The following PAPPA variants were observed in gnomAD, a reference collection of about 807,000 sequenced individuals.
The protein encoded by PAPPA is pappalysin-1.
Under a neutral mutation model 164.0 loss-of-function variants are expected in PAPPA, and 60 were observed. That is an observed-to-expected ratio of 0.37 (90% CI 0.30 to 0.45). PAPPA has a LOEUF of 0.45. PAPPA is among the 20% of genes least tolerant of loss of function. PAPPA has a pLI of 1.00. For synonymous variants in PAPPA, 875 were observed against 814.1 expected (o/e 1.07, Z -1.27); for missense variants, 1,782 against 2,087.3 (o/e 0.85, Z 2.85).
intron 10 of PAPPA, among the ~76,000 whole-genome samples, chr9:116,329,627 A>G (rs917691252): frequency 6.6e-6 from 1 of 152,110 alleles, no homozygotes; most frequent in Admixed American, 6.6e-5. Flanking sequence ...TCGCTGGGCA[A>G]TATATAGTTT....
intron 10 of PAPPA, among the ~76,000 whole-genome samples, chr9:116,306,585 C>T (rs1193000316): frequency 6.6e-6 from 1 of 152,138 alleles, no homozygotes; most frequent in Admixed American, 6.5e-5. Context: ...CTTCCTGGCC[C>T]AGCTGGAATC....
At chr9:116,344,917 C>T (rs948970704) in intron 14 of PAPPA, among the ~76,000 whole-genome samples, 4 of 152,152 alleles carry the variant, frequency 2.6e-5, no homozygotes, top group African/African-American at 9.7e-5. Context: ...AAAAAGGGTT[C>T]CTGTGCAGAG....
chr9:116,360,442 A>C (rs12347137), intron 17 of PAPPA, among the ~76,000 whole-genome samples: 24,258 of 151,754 alleles, frequency 0.16, 2,111 homozygotes, highest in Non-Finnish European at 0.2. Context: ...TTTGCCGGCA[A>C]AGGAGAGGCC....
chr9:116,309,538 A>C (rs1354529504), intron 10 of PAPPA, among the ~76,000 whole-genome samples: 3 of 152,170 alleles, frequency 2.0e-5, no homozygotes, highest in Non-Finnish European at 4.4e-5. Flanking sequence ...CTTATGATGC[A>C]GTGTAGGAAG....
chr9:116,342,129 G>A (rs982157646), intron 13 of PAPPA, among the ~76,000 whole-genome samples: 1 of 152,224 alleles, frequency 6.6e-6, no homozygotes, highest in Non-Finnish European at 1.5e-5. Flanking sequence ...AGCGTGCAGA[G>A]TAAGAATGCC....
intron 2 of PAPPA, among the ~76,000 whole-genome samples, chr9:116,206,300 C>T (rs10817864): frequency 0.45 from 68,242 of 152,054 alleles, 17,346 homozygotes; most frequent in Non-Finnish European, 0.58. Flanking sequence ...TGTTTGGTTT[C>T]GTGAGCTTGG....
At chr9:116,394,134 G>A (rs999204775) in intron 21 of PAPPA, among the ~76,000 whole-genome samples, 4 of 152,108 alleles carry the variant, frequency 2.6e-5, no homozygotes, top group African/African-American at 4.8e-5. Flanking sequence ...GGTAGGAGAC[G>A]GGGATGGATA....
At chr9:116,229,037 T>G (rs533657689) in intron 6 of PAPPA, among the ~76,000 whole-genome samples, 1 of 152,136 alleles carries the variant, frequency 6.6e-6, no homozygotes, top group East Asian at 1.9e-4. Flanking sequence ...GCTAGGGAAG[T>G]CAGATAAGTA....
intron 21 of PAPPA, among the ~76,000 whole-genome samples, chr9:116,391,976 G>A (rs1335041426): frequency 6.6e-6 from 1 of 152,206 alleles, no homozygotes; most frequent in Non-Finnish European, 1.5e-5. Context: ...TCTGTGAAGA[G>A]AGGACCCTGA....
At position 116,332,316 on chromosome 9, in the gene PAPPA, C is replaced by T. The variant is rs765633020; in HGVS notation, c.3262-17C>T. 29 of 1,609,792 alleles carry T rather than the reference C, an allele frequency of 1.8e-5. No homozygotes were observed. The highest frequency in any genetic ancestry group is 5.5e-5 in the South Asian group (5 of 90,846). ...ACTGAGTGCACATGTGACCCTCCTACGTCTTCACAATTTCAGGCGTATTTT... is the reference window on the plus strand; with the variant it reads ...ACTGAGTGCACATGTGACCCTCCTATGTCTTCACAATTTCAGGCGTATTTT... On this transcript the variant is annotated splice_polypyrimidine_tract_variant and intron_variant, in intron 11 of 21. Transcript: ENST00000328252.
intron 1 of PAPPA, among the ~76,000 whole-genome samples, chr9:116,162,344 C>T (rs988130452): frequency 3.3e-5 from 5 of 152,190 alleles, no homozygotes; most frequent in African/African-American, 1.2e-4. Flanking sequence ...TACTCATATA[C>T]TCACAGGTCC....
At chr9:116,340,737 A>C (rs1446836812) in intron 13 of PAPPA, among the ~76,000 whole-genome samples, 1 of 152,230 alleles carries the variant, frequency 6.6e-6, no homozygotes, top group Non-Finnish European at 1.5e-5. Flanking sequence ...GAGTTTAAAA[A>C]ACAATGTGTA....
chr9:116,309,776 T>G (rs2118904732), intron 10 of PAPPA, among the ~76,000 whole-genome samples: 1 of 152,192 alleles, frequency 6.6e-6, no homozygotes. Flanking sequence ...GCTTGGAACT[T>G]GACATTATCC....
At chr9:116,349,822 A>C (rs1384078045) in intron 15 of PAPPA, among the ~76,000 whole-genome samples, 1 of 152,162 alleles carries the variant, frequency 6.6e-6, no homozygotes, top group Non-Finnish European at 1.5e-5. Flanking sequence ...CAACACCTCT[A>C]TGAAGAGACG....
intron 10 of PAPPA, among the ~76,000 whole-genome samples, chr9:116,328,659 A>T (rs2118942793): frequency 6.6e-6 from 1 of 152,356 alleles, no homozygotes; most frequent in East Asian, 1.9e-4. Flanking sequence ...AAGAAATATT[A>T]TAAGGCAGCT....
At chr9:116,279,249 G>T (rs1026158695) in intron 9 of PAPPA, among the ~76,000 whole-genome samples, 17 of 152,192 alleles carry the variant, frequency 1.1e-4, no homozygotes, top group Non-Finnish European at 2.2e-4. Context: ...AAGGGTCAAA[G>T]GGGGTCACTG....
At chr9:116,381,956 A>G (rs1846737120) in intron 20 of PAPPA, among the ~76,000 whole-genome samples, 1 of 152,206 alleles carries the variant, frequency 6.6e-6, no homozygotes, top group South Asian at 2.1e-4. Context: ...GTTTACATTC[A>G]GCTTCCTAAC....
intron 2 of PAPPA, among the ~76,000 whole-genome samples, chr9:116,197,041 A>C (rs1844114100): frequency 6.6e-6 from 1 of 152,226 alleles, no homozygotes; most frequent in Non-Finnish European, 1.5e-5. Flanking sequence ...ACAGTTTGCC[A>C]GTGGTTTGGC....
At chr9:116,307,572 C>T (rs1316212087) in intron 10 of PAPPA, among the ~76,000 whole-genome samples, 1 of 152,028 alleles carries the variant, frequency 6.6e-6, no homozygotes, top group Non-Finnish European at 1.5e-5. Context: ...ACATTCCAGC[C>T]TTGGTGATGA....
Sources: gnomAD v4.1 joint callset for allele counts (sites outside exome capture counted in the v4.1 genomes callset) on GRCh38, gnomAD v4.1.1 for gene constraint, MANE v1.5 for transcripts, NCBI Gene and HGNC (gene_info 2026-07-23, HGNC 2026-07-21) for gene names.